Variants in ST8SIA1 observed in about 807,000 individuals in gnomAD.
ST8SIA1 encodes ST8 alpha-N-acetyl-neuraminide alpha-2,8-sialyltransferase 1.
A neutral mutation model predicts 35.9 loss-of-function variants in ST8SIA1; 16 were observed. The ratio of observed to expected loss-of-function variants is 0.45; its 90% CI spans 0.30 to 0.68. ST8SIA1 has a LOEUF of 0.68. Ranked by LOEUF, ST8SIA1 falls within the 30% of genes least tolerant of loss-of-function variation. The pLI is 0.09. For missense variants in ST8SIA1, 383 were observed against 453.6 expected (o/e 0.84, Z 1.41); for synonymous variants, 170 against 169.6 (o/e 1.00, Z -0.02).
chr12:22,227,643 T>C (rs544014419), intron 4 of ST8SIA1, among the ~76,000 whole-genome samples: 2 of 152,294 alleles, frequency 1.3e-5, no homozygotes, highest in Admixed American at 1.3e-4. Context: ...TTTTTTCTAT[T>C]ATTTCTCTTA....
chr12:22,212,380 T>C (rs1352604930), intron 4 of ST8SIA1, among the ~76,000 whole-genome samples: 1 of 152,224 alleles, frequency 6.6e-6, no homozygotes, highest in Non-Finnish European at 1.5e-5. Flanking sequence ...ACTGTCATTT[T>C]TCTGTCTCTG....
chr12:22,333,919 G>T, intron 1 of ST8SIA1, 78 bp downstream of exon 1: 1 of 1,265,366 alleles, frequency 7.9e-7, no homozygotes, highest in Non-Finnish European at 1.2e-6. Context: ...GTGCAAGGCG[G>T]TCCTCGCCGG....
intron 4 of ST8SIA1, among the ~76,000 whole-genome samples, chr12:22,211,892 G>A (rs1162239094): frequency 6.6e-6 from 1 of 151,994 alleles, no homozygotes; most frequent in Non-Finnish European, 1.5e-5. Flanking sequence ...TGTATTTTTA[G>A]TAGAGACAGG....
intron 4 of ST8SIA1, among the ~76,000 whole-genome samples, chr12:22,211,444 T>C (rs1034163209): frequency 3.3e-5 from 5 of 152,196 alleles, no homozygotes; most frequent in Admixed American, 2.6e-4. Flanking sequence ...TCAACCATGA[T>C]TGCATGCTAA....
chr12:22,331,057 C>G (rs73089238), intron 1 of ST8SIA1, among the ~76,000 whole-genome samples: 9,282 of 152,248 alleles, frequency 0.061, 378 homozygotes, highest in South Asian at 0.11. Context: ...CCATCTCCTT[C>G]GCAGTTTGAC....
chr12:22,286,502 C>T (rs759225635), intron 2 of ST8SIA1: 3 of 518,856 alleles, frequency 5.8e-6, no homozygotes, highest in Non-Finnish European at 1.2e-5. Flanking sequence ...TGCCTAAGAT[C>T]TCCCCTCCCC....
At chr12:22,234,499 T>A (rs1181449722) in intron 4 of ST8SIA1, among the ~76,000 whole-genome samples, 1 of 152,212 alleles carries the variant, frequency 6.6e-6, no homozygotes, top group East Asian at 1.9e-4. Context: ...CCGCTGGTGG[T>A]TATTTTCTTC....
intron 1 of ST8SIA1, among the ~76,000 whole-genome samples, chr12:22,292,220 A>C (rs2135819609): frequency 6.6e-6 from 1 of 152,302 alleles, no homozygotes; most frequent in South Asian, 2.1e-4. Context: ...TGAGGAATAA[A>C]TACTCCAAAA....
intron 4 of ST8SIA1, among the ~76,000 whole-genome samples, chr12:22,224,578 T>C (rs1309055404): frequency 6.6e-6 from 1 of 152,216 alleles, no homozygotes; most frequent in Non-Finnish European, 1.5e-5. Context: ...TTATACTTTA[T>C]CTTGGTATCT....
intron 2 of ST8SIA1, among the ~76,000 whole-genome samples, chr12:22,264,286 C>A (rs1229658467): frequency 6.6e-6 from 1 of 152,078 alleles, no homozygotes; most frequent in African/African-American, 2.4e-5. Flanking sequence ...ACATTCTAAC[C>A]AGTGCACCAA....
chr12:22,280,570 C>G (rs866004842), intron 2 of ST8SIA1, among the ~76,000 whole-genome samples: 1 of 152,176 alleles, frequency 6.6e-6, no homozygotes, highest in African/African-American at 2.4e-5. Flanking sequence ...AGATCTACAC[C>G]ATGGCAAGAT....
In ST8SIA1 at chr12:22,201,490, T is replaced by G. The variant is rs1212710807; in HGVS notation, c.*62A>C. On this transcript the variant is annotated 3_prime_UTR_variant, in exon 5 of 5. Coordinates refer to ENST00000396037, the MANE Select transcript of ST8SIA1 (RefSeq NM_003034.4). ...ATGAAACAACTTGACCATTCCCTCT[T>G]GGAGTCACATAGAAAACCTAACAAA... 6 of 1,525,550 alleles carry G rather than the reference T, an allele frequency of 3.9e-6. No individual in the cohort carries two copies. Among genetic ancestry groups the G allele is most frequent in the Admixed American group, 2.2e-5 (1 of 45,972 alleles). The allele number at this position is 1,525,550 out of a possible 1,614,324, so 94.5% of individuals were successfully genotyped here.
intron 1 of ST8SIA1, among the ~76,000 whole-genome samples, chr12:22,289,803 G>A (rs370914384): frequency 2.0e-5 from 3 of 152,266 alleles, no homozygotes; most frequent in South Asian, 2.1e-4. Context: ...ACGTTGCCTA[G>A]TACCTGGCAA....
chr12:22,215,181 A>C (rs923742591), intron 4 of ST8SIA1, among the ~76,000 whole-genome samples: 1 of 152,060 alleles, frequency 6.6e-6, no homozygotes, highest in East Asian at 1.9e-4. Flanking sequence ...ACAAACAAAA[A>C]TTTGCTCAAA....
chr12:22,201,867 G>A lies in ST8SIA1; in HGVS notation c.756C>T (p.Asn252=), dbSNP rs1218440198. 3 of 1,614,128 alleles carry A rather than the reference G, an allele frequency of 1.9e-6. No homozygotes were observed. Among genetic ancestry groups the A allele is most frequent in the South Asian group, 2.2e-5 (2 of 91,084 alleles). The change falls in exon 5 of 5, where the codon AAC becomes AAT. Residue 252 remains asparagine (N), a synonymous_variant. Transcript: ENST00000396037. ...TTCCAATGCTACGCAGAAAGTTGGG[G>A]TTGGCAAACAGCACTGTTTGATTGG... is the stretch of plus-strand genomic sequence containing the variant. ...VGANQTVLFA[N]PNFLRSIGKF...
chr12:22,325,872 C>A, intron 1 of ST8SIA1: 1 of 701,582 alleles, frequency 1.4e-6, no homozygotes, highest in Non-Finnish European at 2.6e-6. Context: ...GCACGGTGAT[C>A]CCACCACCAA....
intron 4 of ST8SIA1, among the ~76,000 whole-genome samples, chr12:22,228,842 T>C (rs547194064): frequency 6.6e-6 from 1 of 151,834 alleles, no homozygotes; most frequent in East Asian, 1.9e-4. Flanking sequence ...GATCATGAGG[T>C]CAGGAGTTCA....
rs1263844533 is a variant in ST8SIA1, at chr12:22,199,631, CAA to C, written c.*1919_*1920del. ...GTAACATTATAATCTGCACTATCAA[CAA>C]GTCATATTTTAAATTCTAATTTTTA... On this transcript the variant is annotated 3_prime_UTR_variant, in exon 5 of 5. Coordinates refer to ENST00000396037, the MANE Select transcript of ST8SIA1 (RefSeq NM_003034.4). The C allele has an allele frequency of 6.6e-6, 1 of 152,098 alleles. No homozygotes were observed. Among genetic ancestry groups the C allele is most frequent in the Non-Finnish European group, 1.5e-5 (1 of 67,998 alleles). 9.4% of individuals were successfully genotyped at this position (152,098 alleles called of 1,614,324 possible).
intron 4 of ST8SIA1, among the ~76,000 whole-genome samples, chr12:22,236,201 C>A (rs1343125354): frequency 6.6e-6 from 1 of 152,170 alleles, no homozygotes; most frequent in African/African-American, 2.4e-5. Flanking sequence ...CAATTCCACA[C>A]TCACCTATTA....
Sources: gnomAD v4.1 joint callset for allele counts (sites outside exome capture counted in the v4.1 genomes callset) on GRCh38, gnomAD v4.1.1 for gene constraint, MANE v1.5 for transcripts, NCBI Gene and HGNC (gene_info 2026-07-23, HGNC 2026-07-21) for gene names.